Variants in CDH23 observed in about 807,000 individuals in gnomAD.
The protein encoded by CDH23 is cadherin-23.
A neutral mutation model predicts 317.1 loss-of-function variants in CDH23; 189 were observed. The observed-to-expected ratio is 0.60, with a 90% CI of 0.53 to 0.67. CDH23 has a LOEUF of 0.67. CDH23 is among the 30% of genes least tolerant of loss of function. CDH23 has a pLI of 0.00. For missense variants in CDH23, 4,401 were observed against 4,592.4 expected (o/e 0.96, Z 1.20); for synonymous variants, 1,839 against 1,876.8 (o/e 0.98, Z 0.52).
At chr10:71,734,185 CA>C in intron 32 of CDH23, 54 bp from the exon 33 acceptor site, 5 of 1,442,140 alleles carry the variant, frequency 3.5e-6, no homozygotes, top group Non-Finnish European at 4.8e-6. Context: ...GCAGAATGAC[CA>C]GGGTTAACAA....
intron 34 of CDH23, among the ~76,000 whole-genome samples, chr10:71,735,998 G>A (rs1475236544): frequency 6.6e-6 from 1 of 152,238 alleles, no homozygotes; most frequent in African/African-American, 2.4e-5. Context: ...TTCATACAAT[G>A]GGCCCACCTG....
At chr10:71,729,660 A>C (rs915960873) in intron 30 of CDH23, among the ~76,000 whole-genome samples, 3 of 152,170 alleles carry the variant, frequency 2.0e-5, no homozygotes, top group African/African-American at 4.8e-5. Context: ...AAGAGTACTG[A>C]GCACTGACAT....
At chr10:71,629,867 G>A (rs1163657052) in intron 11 of CDH23, among the ~76,000 whole-genome samples, 1 of 152,110 alleles carries the variant, frequency 6.6e-6, no homozygotes, top group Non-Finnish European at 1.5e-5. Flanking sequence ...TTCATTTGTG[G>A]GGGACACAAA....
At chr10:71,762,089 A>G (rs1840408175) in intron 38 of CDH23, 2 of 1,500,616 alleles carry the variant, frequency 1.3e-6, no homozygotes, top group East Asian at 2.4e-5. Context: ...GCAACCCCAG[A>G]GCGGGGAAGA....
At chr10:71,644,685 G>A (rs1460842855) in intron 12 of CDH23, among the ~76,000 whole-genome samples, 1 of 152,242 alleles carries the variant, frequency 6.6e-6, no homozygotes, top group Non-Finnish European at 1.5e-5. Context: ...CAAGATGTGA[G>A]GGTGGGCTTC....
intron 34 of CDH23, chr10:71,737,735 T>C (rs1194534954): frequency 4.3e-6 from 2 of 470,196 alleles, no homozygotes; most frequent in Non-Finnish European, 8.8e-6. Context: ...TACCTGTGAT[T>C]CCAGCCGCAG....
intron 8 of CDH23, among the ~76,000 whole-genome samples, chr10:71,571,605 G>T (rs1256459778): frequency 2.6e-5 from 4 of 152,244 alleles, no homozygotes; most frequent in Non-Finnish European, 2.9e-5. Context: ...GGGCCAGACG[G>T]GCAACGGCAG....
At chr10:71,738,424 C>T (rs1432350546) in intron 34 of CDH23, 74 bp from the exon 35 acceptor site, 1 of 1,586,670 alleles carries the variant, frequency 6.3e-7, no homozygotes, top group African/African-American at 1.3e-5. Flanking sequence ...CCTACTGGAC[C>T]CACGGTGGGA....
At chr10:71,537,755 G>C (rs1028209451) in intron 6 of CDH23, among the ~76,000 whole-genome samples, 90 of 152,324 alleles carry the variant, frequency 5.9e-4, no homozygotes, top group African/African-American at 2.1e-3. Flanking sequence ...GGCCCTTGAA[G>C]GAGCCCTGAG....
chr10:71,678,774 C>T (rs1410283989), intron 16 of CDH23, among the ~76,000 whole-genome samples: 2 of 152,220 alleles, frequency 1.3e-5, no homozygotes, highest in African/African-American at 4.8e-5. Context: ...GGATCCCTGG[C>T]CCCACTCCAG....
intron 6 of CDH23, among the ~76,000 whole-genome samples, chr10:71,525,450 G>A (rs1452503237): frequency 6.6e-6 from 1 of 152,236 alleles, no homozygotes; most frequent in Admixed American, 6.5e-5. Context: ...GAGGATGGAA[G>A]CAGGTTGTCT....
chr10:71,594,900 A>G (rs1859738928), intron 9 of CDH23, among the ~76,000 whole-genome samples: 2 of 152,226 alleles, frequency 1.3e-5, no homozygotes, highest in Non-Finnish European at 2.9e-5. Context: ...ATAGACATAT[A>G]TATACAGCAA....
At chr10:71,567,065 T>C in intron 7 of CDH23, 129 bp downstream of exon 7, 2 of 874,078 alleles carry the variant, frequency 2.3e-6, no homozygotes, top group Non-Finnish European at 3.5e-6. Context: ...ATTATAGTGG[T>C]GACAGTCATG....
intron 14 of CDH23, among the ~76,000 whole-genome samples, chr10:71,665,058 T>C (rs182078990): frequency 6.3e-4 from 96 of 152,308 alleles, no homozygotes; most frequent in African/African-American, 2.1e-3. Flanking sequence ...ATTTAGCTGA[T>C]ATTTGTTAAG....
chr10:71,787,743 G>C (rs1841143461), intron 44 of CDH23, among the ~76,000 whole-genome samples: 1 of 152,196 alleles, frequency 6.6e-6, no homozygotes, highest in African/African-American at 2.4e-5. Flanking sequence ...CGGTTGAGTA[G>C]TATTCCATGG....
intron 28 of CDH23, chr10:71,716,096 C>A: frequency 1.3e-6 from 2 of 1,534,704 alleles, no homozygotes; most frequent in Admixed American, 2.0e-5. Context: ...CTCACTGGGG[C>A]TCCCAGGGTG....
intron 6 of CDH23, among the ~76,000 whole-genome samples, chr10:71,532,329 G>C (rs773422457): frequency 3.3e-5 from 5 of 152,240 alleles, no homozygotes; most frequent in Non-Finnish European, 7.3e-5. Context: ...TCCTGGCTGC[G>C]TCTAAGGGAG....
At chr10:71,511,567 C>G (rs1333452375) in intron 6 of CDH23, among the ~76,000 whole-genome samples, 1 of 152,100 alleles carries the variant, frequency 6.6e-6, no homozygotes, top group Non-Finnish European at 1.5e-5. Flanking sequence ...GGTGGGCAGG[C>G]CTAACCCCAG....
intron 34 of CDH23, among the ~76,000 whole-genome samples, chr10:71,735,618 C>T (rs1052834493): frequency 1.3e-5 from 2 of 152,204 alleles, no homozygotes; most frequent in African/African-American, 4.8e-5. Flanking sequence ...CATTGCCACG[C>T]CCTGCTGAGT....
Sources: allele counts gnomAD v4.1 joint callset (sites outside exome capture counted in the v4.1 genomes callset), GRCh38; gene constraint gnomAD v4.1.1; transcripts MANE v1.5; gene names NCBI Gene and HGNC (gene_info 2026-07-23, HGNC 2026-07-21).